The following CEP135 variants were observed in gnomAD, a reference collection of about 807,000 sequenced individuals.
CEP135 encodes centrosomal protein of 135 kDa.
In CEP135, 142 loss-of-function variants were observed where a neutral mutation model predicts 157.3. The ratio of observed to expected loss-of-function variants is 0.90; its 90% CI spans 0.79 to 1.04. CEP135 has a LOEUF of 1.04. CEP135 is among the 50% of genes least tolerant of loss of function. CEP135 has a pLI of 0.00. For missense variants in CEP135, 1,317 were observed against 1,309.2 expected, an observed-to-expected ratio of 1.01 and a Z score of -0.09; for synonymous variants, 396 against 439.8, an observed-to-expected ratio of 0.90 and a Z score of 1.25.
chr4:55,999,725 C>T, intron 17 of CEP135, 80 bp downstream of exon 17: 1 of 1,405,540 alleles, frequency 7.1e-7, no homozygotes, highest in Non-Finnish European at 9.7e-7. Context: ...TGGGGTCTCA[C>T]TCTGTCACTC....
chr4:56,002,294 G>A (rs756427517), intron 17 of CEP135, among the ~76,000 whole-genome samples: 16 of 152,010 alleles, frequency 1.1e-4, no homozygotes, highest in Non-Finnish European at 1.9e-4. Flanking sequence ...ATAAAAGTGT[G>A]AAAGTGGGCA....
chr4:56,004,677 T>C (rs1730289923), intron 17 of CEP135, among the ~76,000 whole-genome samples: 1 of 152,234 alleles, frequency 6.6e-6, no homozygotes, highest in Admixed American at 6.5e-5. Context: ...GTTGTCTCTT[T>C]ATAGTCTTTG....
rs1253095425 is a variant in CEP135 at position 56,011,787 on chromosome 4, G to A, written c.2617-13G>A. The A allele has an allele frequency of 1.9e-6, 3 of 1,559,782 alleles. No homozygotes were observed. The highest frequency in any genetic ancestry group is 1.4e-5 in the African/African-American group (1 of 71,794). ...TTACTAATTTAGAAACAATTTTATT[G>A]TGATTAAACCAGGAAAAAGAAAATC... is the stretch of plus-strand genomic sequence containing the variant. On this transcript the variant is annotated splice_polypyrimidine_tract_variant and intron_variant, in intron 20 of 25. Transcript: ENST00000257287.
chr4:56,005,203 G>A (rs1370410329), intron 17 of CEP135, among the ~76,000 whole-genome samples: 1 of 151,998 alleles, frequency 6.6e-6, no homozygotes, highest in Non-Finnish European at 1.5e-5. Flanking sequence ...CCAACACTTT[G>A]GGAGACAAAG....
chr4:56,024,295 T>C (rs977160392), intron 24 of CEP135, among the ~76,000 whole-genome samples: 2 of 150,790 alleles, frequency 1.3e-5, no homozygotes, highest in African/African-American at 4.9e-5. Flanking sequence ...AGAAGCAAGA[T>C]GCTCCTCACT....
At chr4:55,961,764 T>TAA (rs564116620) in intron 6 of CEP135, among the ~76,000 whole-genome samples, 1,374 of 54,172 alleles carry the variant, frequency 0.025, 61 homozygotes, top group Non-Finnish European at 0.031. Context: ...AAACTCTGTC[T>TAA]AAAAAAAAAA....
intron 18 of CEP135, among the ~76,000 whole-genome samples, chr4:56,008,806 TTA>T (rs1318884486): frequency 2.0e-5 from 3 of 152,246 alleles, no homozygotes; most frequent in Admixed American, 6.5e-5. Flanking sequence ...AAGTCACTTA[TTA>T]TATTTATTTT....
chr4:55,960,904 C>T (rs71609605), intron 6 of CEP135: 2 of 120,142 alleles, frequency 1.7e-5, no homozygotes, highest in African/African-American at 6.6e-5. Context: ...CCAGCCTGGG[C>T]GACAGAGCGA....
intron 20 of CEP135, 121 bp downstream of exon 20, chr4:56,011,643 T>C (rs1209044117): frequency 1.0e-6 from 1 of 969,904 alleles, no homozygotes; most frequent in Admixed American, 2.9e-5. Context: ...ACTGCCTTTT[T>C]CTATTTTTCC....
chr4:55,993,081 A>G (rs762811109), intron 15 of CEP135, among the ~76,000 whole-genome samples: 24 of 152,170 alleles, frequency 1.6e-4, no homozygotes, highest in Non-Finnish European at 2.9e-4. Context: ...GATTATAGTA[A>G]TGACACTTTA....
At chr4:55,956,237 C>A (rs1381015185) in intron 4 of CEP135, among the ~76,000 whole-genome samples, 1 of 152,118 alleles carries the variant, frequency 6.6e-6, no homozygotes, top group East Asian at 1.9e-4. Context: ...TGTTAGAATT[C>A]TAATGAGACA....
Position 55,980,310 on chromosome 4 carries a change from A to G in CEP135, c.1626+15A>G, listed in dbSNP as rs1464541492. 4 of 1,453,170 alleles carry G rather than the reference A, an allele frequency of 2.8e-6. No individual in the cohort carries two copies. The East Asian group carries it at 9.1e-5, about 33-fold the overall frequency. 90.0% of individuals were successfully genotyped at this position (1,453,170 alleles called of 1,614,324 possible). A position where few individuals can be genotyped will look rare whatever the true frequency, so the allele number is the denominator to read the frequency against. On this transcript the variant is annotated intron_variant, in intron 12 of 25. Coordinates refer to ENST00000257287, the MANE Select transcript of CEP135 (RefSeq NM_025009.5). ...TATATAATGAAGTAAGAAATGTATT[A>G]TAATTAAGCCAATAGATTGTATAGA...
chr4:55,957,343 T>G lies in CEP135; in HGVS notation c.593T>G (p.Leu198Arg), dbSNP rs374714305. The part of the protein sequence containing the change: ...PQPDDPYIAD[L>R]LQVADNRIQE... ...CCAGATGACCCTTACATTGCAGACCTCCTTCAAGTGGCTGATAACAGGTGC... is the reference window on the plus strand; with the variant it reads ...CCAGATGACCCTTACATTGCAGACCGCCTTCAAGTGGCTGATAACAGGTGC... The change falls in exon 5 of 26, where the codon CTC becomes CGC. Residue 198 changes from leucine (L) to arginine (R), a missense_variant. Physicochemically the swap from Leu to Arg is moderately radical, Grantham distance 102. Coordinates refer to ENST00000257287, the MANE Select transcript of CEP135 (RefSeq NM_025009.5). 35 of 1,612,836 alleles carry G rather than the reference T, an allele frequency of 2.2e-5. No homozygotes were observed. Among genetic ancestry groups the G allele is most frequent in the East Asian group, 1.3e-4 (6 of 44,870 alleles).
chr4:56,003,320 C>T (rs532826638), intron 17 of CEP135, among the ~76,000 whole-genome samples: 245 of 151,334 alleles, frequency 1.6e-3, no homozygotes, highest in African/African-American at 5.6e-3. Flanking sequence ...ATTCTCCTGC[C>T]TCAGCCTCCC....
At chr4:55,964,018 A>T (rs552886878) in intron 6 of CEP135, among the ~76,000 whole-genome samples, 1 of 152,236 alleles carries the variant, frequency 6.6e-6, no homozygotes, top group Non-Finnish European at 1.5e-5. Context: ...GGAAAAAAAT[A>T]CAAAAATTAA....
chr4:55,986,913 C>T (rs1407002641), intron 14 of CEP135, among the ~76,000 whole-genome samples: 1 of 152,140 alleles, frequency 6.6e-6, no homozygotes, highest in African/African-American at 2.4e-5. Context: ...ATTATATTTT[C>T]CTGTATCTTT....
At chr4:55,985,232 G>A (rs1478855771) in intron 13 of CEP135, 49 bp from the exon 14 acceptor site, 2 of 1,028,338 alleles carry the variant, frequency 1.9e-6, no homozygotes, top group African/African-American at 1.6e-5. Flanking sequence ...TGGTGATTTT[G>A]TTTTGTTATC....
intron 15 of CEP135, among the ~76,000 whole-genome samples, chr4:55,998,820 T>C (rs1284321786): frequency 6.6e-6 from 1 of 152,040 alleles, no homozygotes. Flanking sequence ...AGCTGAGATC[T>C]CACCACTGCA....
intron 17 of CEP135, among the ~76,000 whole-genome samples, chr4:56,006,636 T>A (rs1243166811): frequency 6.6e-6 from 1 of 152,080 alleles, no homozygotes; most frequent in African/African-American, 2.4e-5. Context: ...ATATTAAAAA[T>A]TTTTTTCTGA....
Sources: gnomAD v4.1 joint callset for allele counts (sites outside exome capture counted in the v4.1 genomes callset) on GRCh38, gnomAD v4.1.1 for gene constraint, MANE v1.5 for transcripts, NCBI Gene and HGNC (gene_info 2026-07-23, HGNC 2026-07-21) for gene names.